The following KCND2 variants were observed in gnomAD, a reference collection of about 807,000 sequenced individuals.
KCND2 encodes the protein potassium voltage-gated channel subfamily D member 2, also known as A-type voltage-gated potassium channel KCND2.
A neutral mutation model predicts 54.4 loss-of-function variants in KCND2; 16 were observed. That is an observed-to-expected ratio of 0.29 (90% CI 0.20 to 0.45). The LOEUF (loss-of-function observed/expected upper bound fraction) is 0.45, where lower values mean the gene tolerates loss of function less well. Among genes scored for constraint, KCND2 ranks in the 20% least tolerant of loss-of-function variants. The probability of loss-of-function intolerance (pLI) is 1.00; values close to 1 mark genes in which losing one functional copy is unlikely to be tolerated. For missense variants in KCND2, 486 were observed against 824.2 expected (o/e 0.59, Z 5.02); for synonymous variants, 317 against 310.7 (o/e 1.02, Z -0.21).
At chr7:120,543,999 A>G (rs113553585) in intron 1 of KCND2, among the ~76,000 whole-genome samples, 4 of 152,154 alleles carry the variant, frequency 2.6e-5, no homozygotes, top group African/African-American at 9.6e-5. Context: ...CATGGAAATT[A>G]CTACATGACT....
intron 1 of KCND2, among the ~76,000 whole-genome samples, chr7:120,335,256 T>C (rs1800129264): frequency 6.8e-6 from 1 of 148,146 alleles, no homozygotes; most frequent in Admixed American, 6.9e-5. Flanking sequence ...CTAGCTACTC[T>C]GGAAGCTGAG....
intron 2 of KCND2, among the ~76,000 whole-genome samples, chr7:120,739,127 G>T (rs2116166993): frequency 6.6e-6 from 1 of 152,076 alleles, no homozygotes; most frequent in East Asian, 1.9e-4. Flanking sequence ...AGAAATATAT[G>T]TCATTTTATT....
intron 2 of KCND2, among the ~76,000 whole-genome samples, chr7:120,737,665 A>C (rs1792891851): frequency 6.6e-6 from 1 of 152,066 alleles, no homozygotes; most frequent in Non-Finnish European, 1.5e-5. Flanking sequence ...GATTCCAATA[A>C]ATGCCTTAAA....
At position 120,549,507 on chromosome 7, in the gene KCND2, G is replaced by A. The variant is rs534812597; in HGVS notation, c.1116-183396G>A. Among the ~76,000 whole-genome samples, 21 of 152,288 alleles carry A rather than the reference G, an allele frequency of 1.4e-4. No homozygotes were observed. In the South Asian group the frequency reaches 3.7e-3, roughly 27 times the overall value. ...TGTTTGTGTGTTGATTAACACTGCTGTAGTTTCATCTGTTATTACTTAACT... is the reference window on the plus strand; with the variant it reads ...TGTTTGTGTGTTGATTAACACTGCTATAGTTTCATCTGTTATTACTTAACT... On this transcript the variant is annotated intron_variant, in intron 1 of 5. Transcript: ENST00000331113.
intron 1 of KCND2, among the ~76,000 whole-genome samples, chr7:120,709,161 T>C (rs1294080904): frequency 1.3e-5 from 2 of 152,148 alleles, no homozygotes; most frequent in African/African-American, 2.4e-5. Context: ...ATTAAAGTTA[T>C]TAAAATATAA....
intron 1 of KCND2, among the ~76,000 whole-genome samples, chr7:120,347,479 C>T (rs1258930937): frequency 3.9e-5 from 6 of 152,028 alleles, no homozygotes; most frequent in Admixed American, 1.3e-4. Flanking sequence ...TTTTTCAGGC[C>T]GGGTGCGGTA....
chr7:120,585,126 A>G (rs561332626), intron 1 of KCND2, among the ~76,000 whole-genome samples: 43 of 152,244 alleles, frequency 2.8e-4, no homozygotes, highest in South Asian at 1.0e-3. Context: ...GTTACCAAGT[A>G]TAATAAAGGC....
At chr7:120,508,111 G>C (rs1803056007) in intron 1 of KCND2, among the ~76,000 whole-genome samples, 2 of 151,606 alleles carry the variant, frequency 1.3e-5, no homozygotes, top group Non-Finnish European at 1.5e-5. Context: ...ATTTTAATTA[G>C]TGTATTATTG....
At chr7:120,309,703 A>G (rs1280113366) in intron 1 of KCND2, among the ~76,000 whole-genome samples, 1 of 151,730 alleles carries the variant, frequency 6.6e-6, no homozygotes, top group Non-Finnish European at 1.5e-5. Flanking sequence ...CTATCTTCAG[A>G]TATCTTATGT....
chr7:120,360,353 A>G (rs1424243387), intron 1 of KCND2, among the ~76,000 whole-genome samples: 1 of 152,006 alleles, frequency 6.6e-6, no homozygotes, highest in Non-Finnish European at 1.5e-5. Flanking sequence ...GTGATATCCT[A>G]ATATTGATTT....
chr7:120,674,191 A>G (rs977095187), intron 1 of KCND2, among the ~76,000 whole-genome samples: 1 of 152,130 alleles, frequency 6.6e-6, no homozygotes, highest in African/African-American at 2.4e-5. Context: ...GGCATGAGCC[A>G]CTACGCCCAG....
At position 120,727,408 on chromosome 7, in the gene KCND2, A is replaced by G. The variant is rs1306818918; in HGVS notation, c.1116-5495A>G. ...TATTACTTGATAAATAGGAAGATGG[A>G]TAGATGGATGAATGGATGCATTGTC... On this transcript the variant is annotated intron_variant, in intron 1 of 5. Transcript: ENST00000331113. Among the ~76,000 whole-genome samples the G allele has an allele frequency of 2.6e-5, 4 of 152,232 alleles. No individual in the cohort carries two copies. The East Asian group carries it at 7.7e-4, about 29-fold the overall frequency.
At position 120,631,458 on chromosome 7, in the gene KCND2, T is replaced by C. The variant is rs538652028; in HGVS notation, c.1116-101445T>C. The stretch of plus-strand genomic sequence containing the variant: ...CTTAAGATAATGCAAATGCGAAAGA[T>C]CACATTAAAAATCCAAGCTTTTGTA... On this transcript the variant is annotated intron_variant, in intron 1 of 5. Transcript: ENST00000331113. 7.2e-4 allele frequency among the ~76,000 whole-genome samples: 109 copies of C among 152,228 alleles called. 2 individuals are homozygous for C. The highest frequency in any genetic ancestry group is 2.5e-3 in the African/African-American group (102 of 41,574).
intron 1 of KCND2, among the ~76,000 whole-genome samples, chr7:120,478,282 T>C (rs750456949): frequency 1.1e-4 from 16 of 152,194 alleles, no homozygotes; most frequent in Non-Finnish European, 1.8e-4. Context: ...GTCATATGGT[T>C]TGTGACACTT....
chr7:120,417,995 C>T (rs1193762466), intron 1 of KCND2, among the ~76,000 whole-genome samples: 1 of 152,152 alleles, frequency 6.6e-6, no homozygotes, highest in Non-Finnish European at 1.5e-5. Context: ...TAAATATCCA[C>T]TTGGTAAAAG....
intron 1 of KCND2, among the ~76,000 whole-genome samples, chr7:120,427,073 A>G (rs900705885): frequency 6.6e-6 from 1 of 152,178 alleles, no homozygotes; most frequent in Non-Finnish European, 1.5e-5. Flanking sequence ...TGTTTTCTCA[A>G]GCTTTCTTTG....
At chr7:120,311,615 G>T (rs556200872) in intron 1 of KCND2, among the ~76,000 whole-genome samples, 1 of 152,180 alleles carries the variant, frequency 6.6e-6, no homozygotes, top group African/African-American at 2.4e-5. Context: ...GTGCTGGTTT[G>T]TTACATAGGT....
chr7:120,598,756 C>T (rs1269440017), intron 1 of KCND2, among the ~76,000 whole-genome samples: 4 of 152,100 alleles, frequency 2.6e-5, no homozygotes, highest in Non-Finnish European at 5.9e-5. Flanking sequence ...TGTTTTCTCC[C>T]AATCTGTTGC....
chr7:120,391,413 A>T (rs2116052837), intron 1 of KCND2, among the ~76,000 whole-genome samples: 1 of 152,144 alleles, frequency 6.6e-6, no homozygotes, highest in Middle Eastern at 3.4e-3. Context: ...ATGATTTATA[A>T]TCTTCTGGGT....
Sources: allele counts gnomAD v4.1 joint callset (sites outside exome capture counted in the v4.1 genomes callset), GRCh38; gene constraint gnomAD v4.1.1; transcripts MANE v1.5; gene names NCBI Gene and HGNC (gene_info 2026-07-23, HGNC 2026-07-21).